Variants in CYP2C8 observed in about 807,000 individuals in gnomAD.
CYP2C8 encodes cytochrome P450 family 2 subfamily C member 8, also known as cytochrome P450 2C8.
In CYP2C8, 51 loss-of-function variants were observed where a neutral mutation model predicts 41.3. The observed-to-expected ratio is 1.24, with a 90% CI of 0.99 to 1.56. CYP2C8 has a LOEUF of 1.56. CYP2C8 is among the 40% of genes most tolerant of loss of function. The pLI, the probability that CYP2C8 is intolerant of heterozygous loss-of-function variation, is 0.00. For missense variants in CYP2C8, 651 were observed against 579.9 expected (o/e 1.12, Z -1.26); for synonymous variants, 218 against 205.8 (o/e 1.06, Z -0.51).
chr10:95,043,157 T>A, intron 6 of CYP2C8, 80 bp from the exon 7 acceptor site: 1 of 1,333,384 alleles, frequency 7.5e-7, no homozygotes, highest in Non-Finnish European at 1.1e-6. Context: ...CACATTAACA[T>A]GATATAAAAA....
At chr10:95,069,025 T>TG (rs1253067320) in intron 1 of CYP2C8, among the ~76,000 whole-genome samples, 3 of 150,158 alleles carry the variant, frequency 2.0e-5, no homozygotes, top group Non-Finnish European at 4.4e-5. Flanking sequence ...ATAGTGCCAC[T>TG]GCACTCCAGC....
At chr10:95,037,658 A>G (rs928151528) in intron 8 of CYP2C8, among the ~76,000 whole-genome samples, 5 of 152,174 alleles carry the variant, frequency 3.3e-5, no homozygotes, top group Non-Finnish European at 7.4e-5. Context: ...TCCATCTGTC[A>G]TTATGGAAAT....
At chr10:95,042,008 A>G (rs2033012173) in intron 7 of CYP2C8, among the ~76,000 whole-genome samples, 1 of 152,092 alleles carries the variant, frequency 6.6e-6, no homozygotes, top group South Asian at 2.1e-4. Flanking sequence ...TATTCGTGAA[A>G]ATTCTTTTAT....
intron 1 of CYP2C8, among the ~76,000 whole-genome samples, chr10:95,068,324 A>G (rs1258808667): frequency 6.6e-6 from 1 of 152,244 alleles, no homozygotes; most frequent in African/African-American, 2.4e-5. Context: ...CATCTCCTGG[A>G]AGAACAATTT....
At chr10:95,066,416 T>C (rs1363689518) in intron 3 of CYP2C8, among the ~76,000 whole-genome samples, 2 of 152,028 alleles carry the variant, frequency 1.3e-5, no homozygotes, top group East Asian at 3.8e-4. Context: ...CCAAATTACA[T>C]TTAAAGAAGA....
intron 5 of CYP2C8, among the ~76,000 whole-genome samples, chr10:95,055,347 AG>A (rs2033295407): frequency 6.6e-6 from 1 of 152,152 alleles, no homozygotes; most frequent in African/African-American, 2.4e-5. Flanking sequence ...TTTAATCTAA[AG>A]GAAGAGTTTC....
At chr10:95,045,662 A>G in intron 6 of CYP2C8, 148 bp downstream of exon 6, 1 of 948,664 alleles carries the variant, frequency 1.1e-6, no homozygotes, top group Non-Finnish European at 1.6e-6. Flanking sequence ...GTCATTTTAA[A>G]TTGTGTCATC....
In CYP2C8 at chr10:95,069,382, C is replaced by G. The variant is rs149126354; in HGVS notation, c.21G>C (p.Leu7=). The G allele has an allele frequency of 6.2e-7, 1 of 1,614,018 alleles. No homozygotes were observed. The highest frequency in any genetic ancestry group is 1.7e-5 in the Admixed American group (1 of 59,976). The part of the protein sequence containing the change: MEPFVV[L]VLCLSFMLLF... The stretch of plus-strand genomic sequence containing the variant: ...GAAGCATAAAAGAGAGACACAGCAC[C>G]AGGACCACAAAAGGTTCCATTGAAG... Residue 7 remains leucine, a synonymous_variant, in exon 1 of 9, where the codon CTG becomes CTC. Coordinates refer to ENST00000371270, the MANE Select transcript of CYP2C8 (RefSeq NM_000770.3).
intron 1 of CYP2C8, among the ~76,000 whole-genome samples, chr10:95,068,096 C>T (rs1253202082): frequency 6.6e-6 from 1 of 152,172 alleles, no homozygotes; most frequent in Non-Finnish European, 1.5e-5. Context: ...AATCAATCCC[C>T]CATGTCCACC....
chr10:95,058,730 G>T (rs1156948346), intron 4 of CYP2C8, among the ~76,000 whole-genome samples: 1 of 152,080 alleles, frequency 6.6e-6, no homozygotes, highest in African/African-American at 2.4e-5. Flanking sequence ...TGCCAGGTTG[G>T]TGTACTGCAC....
chr10:95,061,364 T>C (rs1472230549), intron 4 of CYP2C8, among the ~76,000 whole-genome samples: 1 of 152,196 alleles, frequency 6.6e-6, no homozygotes, highest in Non-Finnish European at 1.5e-5. Flanking sequence ...CCTGGTTTAG[T>C]CTTGGGAGGG....
intron 5 of CYP2C8, among the ~76,000 whole-genome samples, chr10:95,055,227 C>CA (rs1263491494): frequency 6.6e-6 from 1 of 151,944 alleles, no homozygotes; most frequent in Non-Finnish European, 1.5e-5. Flanking sequence ...GTCAAAACAG[C>CA]ATGGTACTGG....
intron 4 of CYP2C8, among the ~76,000 whole-genome samples, chr10:95,064,598 G>T (rs2033518496): frequency 6.6e-6 from 1 of 152,014 alleles, no homozygotes; most frequent in South Asian, 2.1e-4. Flanking sequence ...TTTTTATTGT[G>T]CACATATAGC....
chr10:95,058,270 G>A, intron 5 of CYP2C8, 65 bp downstream of exon 5: 1 of 1,595,546 alleles, frequency 6.3e-7, no homozygotes, highest in South Asian at 1.1e-5. Context: ...GTAAATTACA[G>A]AAGGATTCGA....
In CYP2C8 at chr10:95,037,005, T is replaced by C. The variant is rs1034496890; in HGVS notation, c.*123A>G. 7.8e-6 allele frequency: 7 copies of C among 898,886 alleles called. No homozygotes were observed. Among genetic ancestry groups the C allele is most frequent in the Non-Finnish European group, 1.3e-5 (7 of 547,822 alleles). 55.7% of individuals were successfully genotyped at this position (898,886 alleles called of 1,614,324 possible). A position where few individuals can be genotyped will look rare whatever the true frequency, so the allele number is the denominator to read the frequency against. On this transcript the variant is annotated 3_prime_UTR_variant, in exon 9 of 9. Transcript: ENST00000371270. ...CTCCTTAATGGAGTTTGGATGCTTA[T>C]GGGATATTGAGTGAATGGGAAGATT...
intron 7 of CYP2C8, chr10:95,040,889 A>C: frequency 2.2e-6 from 1 of 456,164 alleles, no homozygotes. Context: ...GGAAAGCAAT[A>C]AAAACAGACC....
Position 95,037,091 on chromosome 10 carries a change from G to A in CYP2C8, c.*37C>T, listed in dbSNP as rs746972729. 12 of 1,588,296 alleles carry A rather than the reference G, an allele frequency of 7.6e-6. No homozygotes were observed. Among genetic ancestry groups the A allele is most frequent in the African/African-American group, 1.3e-5 (1 of 74,074 alleles). ...GTCCTTGATAAAAAAAGAGTTGCAG[G>A]TGATAGCAGATCGGCAGCCAGATGG... is the stretch of plus-strand genomic sequence containing the variant. On this transcript the variant is annotated 3_prime_UTR_variant, in exon 9 of 9. Coordinates refer to ENST00000371270, the MANE Select transcript of CYP2C8 (RefSeq NM_000770.3).
chr10:95,041,545 GC>G (rs1436134245), intron 7 of CYP2C8, among the ~76,000 whole-genome samples: 4 of 152,042 alleles, frequency 2.6e-5, no homozygotes, highest in African/African-American at 9.7e-5. Context: ...ACTTTGGGAG[GC>G]CGAGGCGGGT....
chr10:95,054,811 A>G (rs2033281693), intron 5 of CYP2C8, among the ~76,000 whole-genome samples: 1 of 152,172 alleles, frequency 6.6e-6, no homozygotes, highest in Non-Finnish European at 1.5e-5. Context: ...TTGCAATAGC[A>G]TCAAAAGGGC....
Sources: allele counts gnomAD v4.1 joint callset (sites outside exome capture counted in the v4.1 genomes callset), GRCh38; gene constraint gnomAD v4.1.1; transcripts MANE v1.5; gene names NCBI Gene and HGNC (gene_info 2026-07-23, HGNC 2026-07-21).